Variants in VSNL1 observed in about 807,000 individuals in gnomAD.
VSNL1 encodes the protein visinin-like protein 1.
VSNL1 carries 6 observed loss-of-function variants against 20.4 expected under a neutral mutation model. The observed-to-expected ratio is 0.29, with a 90% CI of 0.16 to 0.58. The LOEUF (loss-of-function observed/expected upper bound fraction) is 0.58, where lower values mean the gene tolerates loss of function less well. Ranked by LOEUF, VSNL1 falls within the 20% of genes least tolerant of loss-of-function variation. The probability of loss-of-function intolerance (pLI) is 0.90; values close to 1 mark genes in which losing one functional copy is unlikely to be tolerated. For missense variants in VSNL1, 100 were observed against 234.5 expected (o/e 0.43, Z 3.75); for synonymous variants, 93 against 86.4 (o/e 1.08, Z -0.42).
intron 1 of VSNL1, chr2:17,541,407 A>G (rs1663282307): frequency 6.6e-6 from 1 of 152,204 alleles, no homozygotes; most frequent in Admixed American, 6.5e-5. Context: ...TTGATCTCTG[A>G]GCGGGATGTT....
At chr2:17,636,386 C>T (rs528803985) in intron 2 of VSNL1, among the ~76,000 whole-genome samples, 2 of 152,306 alleles carry the variant, frequency 1.3e-5, no homozygotes, top group East Asian at 3.9e-4. Flanking sequence ...CCCCTGCTTC[C>T]TTGACCAGTG....
intron 2 of VSNL1, among the ~76,000 whole-genome samples, chr2:17,632,077 G>T (rs1317851882): frequency 6.6e-6 from 1 of 152,054 alleles, no homozygotes; most frequent in Non-Finnish European, 1.5e-5. Context: ...AGTAGAGACG[G>T]TTTTTCACCA....
chr2:17,580,206 C>A (rs747780548), intron 1 of VSNL1, among the ~76,000 whole-genome samples: 26 of 152,170 alleles, frequency 1.7e-4, no homozygotes, highest in Admixed American at 3.3e-4. Context: ...CCATAGATCA[C>A]CACTTCTGGG....
chr2:17,547,544 A>G (rs914021015), intron 1 of VSNL1, among the ~76,000 whole-genome samples: 2 of 152,100 alleles, frequency 1.3e-5, no homozygotes, highest in Non-Finnish European at 2.9e-5. Context: ...TAAGTAAGAT[A>G]CAATCCCAGC....
rs1361994915 is a variant in VSNL1, at chr2:17,542,036, A to G, written c.-6+1118A>G. ...TTGTGGAGAACACTAAGTACATACT[A>G]TTTGTGTATCACTTTCCAGTTGAAG... On this transcript the variant is annotated intron_variant, in intron 1 of 3. Coordinates refer to ENST00000295156, the MANE Select transcript of VSNL1 (RefSeq NM_003385.5). 2.6e-5 allele frequency among the ~76,000 whole-genome samples: 4 copies of G among 152,330 alleles called. No individual in the cohort carries two copies. In the East Asian group the frequency reaches 7.7e-4, roughly 29 times the overall value.
chr2:17,620,319 G>T (rs764429068), intron 2 of VSNL1, among the ~76,000 whole-genome samples: 2 of 152,212 alleles, frequency 1.3e-5, no homozygotes, highest in South Asian at 2.1e-4. Context: ...GGGTAGGATG[G>T]CTTCATGGAA....
chr2:17,553,977 G>A (rs1053069007), intron 1 of VSNL1, among the ~76,000 whole-genome samples: 2 of 152,162 alleles, frequency 1.3e-5, no homozygotes, highest in African/African-American at 4.8e-5. Context: ...ACTGAGCATA[G>A]CCAACAGACC....
At chr2:17,641,057 G>A (rs1206004182) in intron 2 of VSNL1, among the ~76,000 whole-genome samples, 1 of 152,200 alleles carries the variant, frequency 6.6e-6, no homozygotes, top group African/African-American at 2.4e-5. Context: ...AGACCTGGTG[G>A]CCAATGGCAT....
chr2:17,584,852 G>T (rs547846183), intron 1 of VSNL1, among the ~76,000 whole-genome samples: 9 of 151,920 alleles, frequency 5.9e-5, no homozygotes, highest in African/African-American at 1.9e-4. Context: ...ATACTAACTC[G>T]CTATGTTTTC....
At chr2:17,640,443 CTTTG>C (rs1322063214) in intron 2 of VSNL1, among the ~76,000 whole-genome samples, 5 of 152,146 alleles carry the variant, frequency 3.3e-5, no homozygotes, top group Non-Finnish European at 7.3e-5. Flanking sequence ...GATGCATTTC[CTTTG>C]TTTGTTTCTT....
At chr2:17,547,901 A>G (rs369402353) in intron 1 of VSNL1, among the ~76,000 whole-genome samples, 15 of 152,212 alleles carry the variant, frequency 9.9e-5, no homozygotes, top group African/African-American at 3.6e-4. Flanking sequence ...CTGCACTCAC[A>G]GTTGATCACT....
intron 1 of VSNL1, among the ~76,000 whole-genome samples, chr2:17,558,486 A>G (rs1338120502): frequency 6.6e-6 from 1 of 152,200 alleles, no homozygotes; most frequent in African/African-American, 2.4e-5. Flanking sequence ...TACTGACTTC[A>G]TTACATGTGT....
intron 2 of VSNL1, among the ~76,000 whole-genome samples, chr2:17,599,242 G>C (rs1272485271): frequency 2.6e-5 from 4 of 152,210 alleles, no homozygotes; most frequent in Admixed American, 2.6e-4. Context: ...GAAGGGCCTG[G>C]AGGGTCAGAG....
chr2:17,618,489 T>C (rs886644140), intron 2 of VSNL1, among the ~76,000 whole-genome samples: 2 of 152,210 alleles, frequency 1.3e-5, no homozygotes, highest in Non-Finnish European at 2.9e-5. Context: ...AATCCAGAAA[T>C]AATTTCCACA....
intron 2 of VSNL1, among the ~76,000 whole-genome samples, chr2:17,615,120 A>T (rs146563328): frequency 0.02 from 3,001 of 152,310 alleles, 75 homozygotes; most frequent in Non-Finnish European, 0.023. Context: ...TCATTAAATA[A>T]GAAAAGCCAA....
chr2:17,651,300 G>A (rs1236874409), intron 3 of VSNL1, among the ~76,000 whole-genome samples: 1 of 152,218 alleles, frequency 6.6e-6, no homozygotes, highest in Non-Finnish European at 1.5e-5. Context: ...CAGCAGGAGG[G>A]TGTTAGAAAG....
intron 2 of VSNL1, among the ~76,000 whole-genome samples, chr2:17,610,560 G>A (rs1434395905): frequency 1.3e-5 from 2 of 151,854 alleles, no homozygotes; most frequent in Admixed American, 1.3e-4. Flanking sequence ...GTCCTAGTCC[G>A]CAAAATCATC....
chr2:17,610,215 T>C lies in VSNL1; in HGVS notation c.162+17979T>C, dbSNP rs56933147. Among the ~76,000 whole-genome samples, 1,272 of 152,332 alleles carry C rather than the reference T, an allele frequency of 8.4e-3. 14 individuals carry two copies. Among genetic ancestry groups the C allele is most frequent in the African/African-American group, 0.028 (1,164 of 41,560 alleles). On this transcript the variant is annotated intron_variant, in intron 2 of 3. Transcript: ENST00000295156. ...GATCTTTGTACTTCATCCATCCATG[T>C]ATTTGTTGAACATTATTGAGCATCT...
rs1235289000 is a variant in VSNL1 at position 17,654,185 on chromosome 2, T to C, written c.379-1012T>C. On this transcript the variant is annotated intron_variant, in intron 3 of 3. Coordinates refer to ENST00000295156, the MANE Select transcript of VSNL1 (RefSeq NM_003385.5). ...GAATGTTCTCATGCAAGTCTTTGTA[T>C]AGATGGGCATTTATTTTTAAAGCAC... Among the ~76,000 whole-genome samples the C allele has an allele frequency of 3.3e-5, 5 of 152,388 alleles. No individual in the cohort carries two copies. In the East Asian group the frequency reaches 5.8e-4, roughly 18 times the overall value.
Sources: allele counts gnomAD v4.1 joint callset (sites outside exome capture counted in the v4.1 genomes callset), GRCh38; gene constraint gnomAD v4.1.1; transcripts MANE v1.5; gene names NCBI Gene and HGNC (gene_info 2026-07-23, HGNC 2026-07-21).